Variants in ANO3 observed in about 807,000 individuals in gnomAD.
ANO3 encodes the protein anoctamin-3.
Under a neutral mutation model 144.8 loss-of-function variants are expected in ANO3, and 99 were observed. The ratio of observed to expected loss-of-function variants is 0.68; its 90% confidence interval spans 0.58 to 0.81. The LOEUF is 0.81. Among genes scored for constraint, ANO3 ranks in the 30% least tolerant of loss-of-function variants. The probability of loss-of-function intolerance (pLI) is 0.00; values close to 1 mark genes in which losing one functional copy is unlikely to be tolerated. For synonymous variants in ANO3, 414 were observed against 392.6 expected, an observed-to-expected ratio of 1.05 and a Z score of -0.64; for missense variants, 905 against 1,202.2, an observed-to-expected ratio of 0.75 and a Z score of 3.66.
intron 1 of ANO3, among the ~76,000 whole-genome samples, chr11:26,299,399 T>C (rs1854166163): frequency 6.6e-6 from 1 of 152,160 alleles, no homozygotes; most frequent in Non-Finnish European, 1.5e-5. Context: ...AATAAATAAA[T>C]ACTGTAGAGG....
At chr11:26,490,006 G>T (rs1036779054) in intron 4 of ANO3, among the ~76,000 whole-genome samples, 3 of 152,122 alleles carry the variant, frequency 2.0e-5, no homozygotes, top group Non-Finnish European at 4.4e-5. Context: ...TAAAATGTGA[G>T]GACATGAGAT....
At chr11:26,247,809 A>G (rs11029424) in intron 1 of ANO3, among the ~76,000 whole-genome samples, 2,670 of 144,782 alleles carry the variant, frequency 0.018, 61 homozygotes, top group East Asian at 0.13. Flanking sequence ...GCTCACTGCA[A>G]CATCTGCCTC....
chr11:26,191,820 T>A (rs1454221562), intron 1 of ANO3, among the ~76,000 whole-genome samples: 5 of 152,212 alleles, frequency 3.3e-5, no homozygotes, highest in Admixed American at 6.5e-5. Flanking sequence ...TAAAGGGATT[T>A]TTTTTCCTGT....
intron 8 of ANO3, among the ~76,000 whole-genome samples, chr11:26,533,054 T>TTGG (rs1263957372): frequency 6.6e-6 from 1 of 152,118 alleles, no homozygotes; most frequent in African/African-American, 2.4e-5. Context: ...GACTCTGAAT[T>TTGG]TGGTACATCC....
chr11:26,518,890 G>A (rs1398226912), intron 6 of ANO3, among the ~76,000 whole-genome samples: 1 of 152,032 alleles, frequency 6.6e-6, no homozygotes, highest in African/African-American at 2.4e-5. Flanking sequence ...TGATGAGTGG[G>A]ATTGTGGTTC....
intron 1 of ANO3, among the ~76,000 whole-genome samples, chr11:26,219,946 A>G (rs1451483648): frequency 6.6e-6 from 1 of 152,154 alleles, no homozygotes; most frequent in Non-Finnish European, 1.5e-5. Flanking sequence ...CTCAAATATT[A>G]CAGAACTTCT....
chr11:26,609,060 A>G (rs1176902551), intron 17 of ANO3, among the ~76,000 whole-genome samples: 1 of 152,186 alleles, frequency 6.6e-6, no homozygotes, highest in African/African-American at 2.4e-5. Flanking sequence ...CCTAGTCCCC[A>G]GTGGCATGGG....
At chr11:26,637,746 T>C (rs1181419248) in intron 20 of ANO3, among the ~76,000 whole-genome samples, 2 of 149,214 alleles carry the variant, frequency 1.3e-5, no homozygotes, top group African/African-American at 2.5e-5. Context: ...CTTAAATTAC[T>C]GGGCTGGAAC....
At chr11:26,196,873 T>G (rs1246645234) in intron 1 of ANO3, among the ~76,000 whole-genome samples, 1 of 152,212 alleles carries the variant, frequency 6.6e-6, no homozygotes, top group Non-Finnish European at 1.5e-5. Flanking sequence ...AACAGTATAA[T>G]GTAGGACCTA....
At chr11:26,583,853 T>TA (rs141329476) in intron 14 of ANO3, among the ~76,000 whole-genome samples, 2,040 of 152,316 alleles carry the variant, frequency 0.013, 51 homozygotes, top group African/African-American at 0.046. Context: ...GTTGCTCTGA[T>TA]AAACTATTGT....
intron 1 of ANO3, among the ~76,000 whole-genome samples, chr11:26,296,400 G>A (rs1480698631): frequency 6.6e-6 from 1 of 152,142 alleles, no homozygotes; most frequent in African/African-American, 2.4e-5. Context: ...GGGGGATTAT[G>A]AATAAAGCAG....
intron 16 of ANO3, among the ~76,000 whole-genome samples, 184 bp from the exon 17 acceptor site, chr11:26,599,366 A>T (rs1851728949): frequency 6.6e-6 from 1 of 152,212 alleles, no homozygotes; most frequent in Non-Finnish European, 1.5e-5. Context: ...AAAACAACAA[A>T]TTTTGTCCTA....
chr11:26,502,622 C>G (rs553057597), intron 4 of ANO3, among the ~76,000 whole-genome samples: 105 of 152,022 alleles, frequency 6.9e-4, no homozygotes, highest in Non-Finnish European at 1.3e-3. Flanking sequence ...TCTGTTGGTA[C>G]CTATCAGGCT....
chr11:26,583,990 T>C (rs2132867187), intron 14 of ANO3, among the ~76,000 whole-genome samples: 1 of 152,342 alleles, frequency 6.6e-6, no homozygotes, highest in Non-Finnish European at 1.5e-5. Flanking sequence ...CTGACCCCTT[T>C]CCCTGACCCC....
chr11:26,385,285 C>T (rs1317191994), intron 1 of ANO3, among the ~76,000 whole-genome samples: 1 of 152,144 alleles, frequency 6.6e-6, no homozygotes, highest in Non-Finnish European at 1.5e-5. Flanking sequence ...CTAGAAATAA[C>T]TGTGAGATCC....
At chr11:26,376,337 A>C (rs1468206297) in intron 1 of ANO3, among the ~76,000 whole-genome samples, 1 of 152,018 alleles carries the variant, frequency 6.6e-6, no homozygotes, top group Non-Finnish European at 1.5e-5. Flanking sequence ...TTAAACACTT[A>C]AAAAAAAGAC....
chr11:26,634,847 T>G (rs1852899616), intron 19 of ANO3, among the ~76,000 whole-genome samples, 166 bp from the exon 20 acceptor site: 1 of 152,196 alleles, frequency 6.6e-6, no homozygotes, highest in South Asian at 2.1e-4. Flanking sequence ...ACTTTTTCCT[T>G]TGTAAGTCAG....
At chr11:26,658,819 C>A (rs796509284) in intron 26 of ANO3, among the ~76,000 whole-genome samples, 7 of 152,202 alleles carry the variant, frequency 4.6e-5, no homozygotes, top group African/African-American at 1.7e-4. Flanking sequence ...TTATGATCTA[C>A]TTTGCAGTAC....
At chr11:26,482,206 TTC>T (rs1860245398) in intron 4 of ANO3, among the ~76,000 whole-genome samples, 1 of 151,940 alleles carries the variant, frequency 6.6e-6, no homozygotes. Flanking sequence ...CTTTTAGTGT[TTC>T]TTTTTTTTTA....
Sources: gnomAD v4.1 joint callset for allele counts (sites outside exome capture counted in the v4.1 genomes callset) on GRCh38, gnomAD v4.1.1 for gene constraint, MANE v1.5 for transcripts, NCBI Gene and HGNC (gene_info 2026-07-23, HGNC 2026-07-21) for gene names.